Variants in STPG2 observed in about 807,000 individuals in gnomAD.
The protein encoded by STPG2 is sperm-tail PG-rich repeat-containing protein 2.
In STPG2, 56 loss-of-function variants were observed where a neutral mutation model predicts 54.2. That is an observed-to-expected ratio of 1.03 (90% CI 0.83 to 1.29). STPG2 has a LOEUF of 1.29. STPG2 is among the 50% of genes most tolerant of loss of function. The pLI is 0.00. For missense variants in STPG2, 596 were observed against 544.9 expected (o/e 1.09, Z -0.93); for synonymous variants, 200 against 181.8 (o/e 1.10, Z -0.81).
chr4:97,623,623 T>A (rs914944600), intron 10 of STPG2, among the ~76,000 whole-genome samples: 4 of 151,718 alleles, frequency 2.6e-5, no homozygotes, highest in Non-Finnish European at 4.4e-5. Flanking sequence ...GGAGAAAAAA[T>A]TTTTAAAAAA....
chr4:97,677,865 T>A (rs1382638184), intron 10 of STPG2, among the ~76,000 whole-genome samples: 3 of 152,188 alleles, frequency 2.0e-5, no homozygotes, highest in Admixed American at 2.0e-4. Context: ...GTTACTTTTA[T>A]CTTGATTTTA....
intron 9 of STPG2, among the ~76,000 whole-genome samples, chr4:97,839,375 ACT>A (rs1428810305): frequency 6.6e-6 from 1 of 151,588 alleles, no homozygotes; most frequent in East Asian, 1.9e-4. Flanking sequence ...CTTAACTGAA[ACT>A]CTTATTTTGC....
intron 10 of STPG2, among the ~76,000 whole-genome samples, chr4:97,706,458 C>G (rs1386134072): frequency 6.6e-6 from 1 of 152,158 alleles, no homozygotes; most frequent in African/African-American, 2.4e-5. Context: ...AGCAAGAAGA[C>G]AGCTGTCTGT....
At chr4:97,468,666 C>G (rs1388426975) in intron 4 of STPG2, among the ~76,000 whole-genome samples, 1 of 151,944 alleles carries the variant, frequency 6.6e-6, no homozygotes, top group Non-Finnish European at 1.5e-5. Context: ...AATAGAATCC[C>G]TAGACTATTA....
intron 4 of STPG2, among the ~76,000 whole-genome samples, chr4:97,478,527 T>C (rs1730134193): frequency 6.6e-6 from 1 of 152,138 alleles, no homozygotes; most frequent in African/African-American, 2.4e-5. Context: ...TATTTGTTTT[T>C]ATCTTGTATA....
chr4:97,749,087 G>T (rs1228688471), intron 9 of STPG2, among the ~76,000 whole-genome samples: 3 of 151,462 alleles, frequency 2.0e-5, no homozygotes, highest in Non-Finnish European at 3.0e-5. Flanking sequence ...TCATGACAAG[G>T]GACTTCAAAT....
chr4:98,076,506 A>T (rs1165350606), intron 5 of STPG2, among the ~76,000 whole-genome samples: 3 of 152,214 alleles, frequency 2.0e-5, no homozygotes, highest in African/African-American at 7.2e-5. Context: ...GATAATTTTT[A>T]AAATTTGTAG....
At chr4:97,922,832 C>T (rs1056774009) in intron 8 of STPG2, among the ~76,000 whole-genome samples, 38 of 152,286 alleles carry the variant, frequency 2.5e-4, no homozygotes, top group African/African-American at 8.9e-4. Context: ...GCAATTTTTC[C>T]AACATGCTTC....
At chr4:97,645,391 A>G (rs2148948812) in intron 10 of STPG2, among the ~76,000 whole-genome samples, 1 of 152,182 alleles carries the variant, frequency 6.6e-6, no homozygotes, top group Admixed American at 6.5e-5. Flanking sequence ...TGAAGCTGGA[A>G]TTTTAAAGAT....
chr4:97,609,259 A>T (rs1733674958), intron 10 of STPG2, among the ~76,000 whole-genome samples: 1 of 152,022 alleles, frequency 6.6e-6, no homozygotes, highest in African/African-American at 2.4e-5. Flanking sequence ...CTACATGTAT[A>T]TCTTCTTAGT....
At chr4:97,561,183 G>A (rs1401100880) in intron 10 of STPG2, among the ~76,000 whole-genome samples, 5 of 152,028 alleles carry the variant, frequency 3.3e-5, no homozygotes, top group African/African-American at 1.2e-4. Context: ...GTTTTGATTT[G>A]CATTTCTCTG....
intron 1 of STPG2, among the ~76,000 whole-genome samples, chr4:98,138,178 A>G (rs1740184599): frequency 6.6e-6 from 1 of 152,080 alleles, no homozygotes; most frequent in African/African-American, 2.4e-5. Context: ...AGTAGTGGGT[A>G]AGCCTGACAA....
At chr4:97,453,955 G>T (rs1729445458) in intron 4 of STPG2, among the ~76,000 whole-genome samples, 1 of 152,040 alleles carries the variant, frequency 6.6e-6, no homozygotes, top group African/African-American at 2.4e-5. Flanking sequence ...GGAAAGAAAT[G>T]AAACTCTTCC....
chr4:98,119,115 T>C (rs912561522), intron 3 of STPG2, among the ~76,000 whole-genome samples: 2 of 152,102 alleles, frequency 1.3e-5, no homozygotes, highest in African/African-American at 4.8e-5. Flanking sequence ...AGGTAAGAGT[T>C]TGATGAGGAA....
chr4:97,824,294 T>TTC (rs1316131333), intron 9 of STPG2, among the ~76,000 whole-genome samples: 2 of 151,952 alleles, frequency 1.3e-5, no homozygotes, highest in Admixed American at 1.3e-4. Context: ...TTCCCTTCCT[T>TTC]TCTCTCTCTC....
chr4:97,949,468 T>C (rs969503062), intron 7 of STPG2, among the ~76,000 whole-genome samples: 4 of 152,066 alleles, frequency 2.6e-5, no homozygotes, highest in Non-Finnish European at 5.9e-5. Context: ...TGTTACTTAC[T>C]TTTTTTTCTT....
intron 5 of STPG2, among the ~76,000 whole-genome samples, chr4:98,077,363 C>T (rs558968399): frequency 6.6e-6 from 1 of 152,208 alleles, no homozygotes; most frequent in South Asian, 2.1e-4. Flanking sequence ...CTGCCTCAGC[C>T]TCCTGAGTAG....
At chr4:97,818,395 T>C (rs143244903) in intron 9 of STPG2, among the ~76,000 whole-genome samples, 295 of 152,012 alleles carry the variant, frequency 1.9e-3, no homozygotes, top group African/African-American at 7.0e-3. Flanking sequence ...TAGTAACTAA[T>C]CATAAAGTAG....
rs1417227679 is a variant in STPG2, at chr4:97,616,069, T to C, written c.1321-56952A>G. On this transcript the variant is annotated intron_variant, in intron 10 of 10. Coordinates refer to ENST00000295268, the MANE Select transcript of STPG2 (RefSeq NM_174952.3). ...AAAAATACATATAAATATATATATA[T>C]ATATATATATATATATATATATATA... Among the ~76,000 whole-genome samples, 57 of 73,406 alleles carry C rather than the reference T, an allele frequency of 7.8e-4. 1 individual carries two copies. The highest frequency in any genetic ancestry group is 2.5e-3 in the African/African-American group (53 of 21,454). The allele number at this position is 73,406 out of a possible 152,430, so 48.2% of individuals were successfully genotyped here.
Sources: gnomAD v4.1 joint callset for allele counts (sites outside exome capture counted in the v4.1 genomes callset) on GRCh38, gnomAD v4.1.1 for gene constraint, MANE v1.5 for transcripts, NCBI Gene and HGNC (gene_info 2026-07-23, HGNC 2026-07-21) for gene names.